Variants in ANKLE2 observed in about 807,000 individuals in gnomAD.
ANKLE2 encodes ankyrin repeat and LEM domain-containing protein 2.
In ANKLE2, 55 loss-of-function variants were observed where a neutral mutation model predicts 84.2. The observed-to-expected ratio is 0.65, with a 90% CI of 0.53 to 0.82. The LOEUF (loss-of-function observed/expected upper bound fraction) is 0.82, where lower values mean the gene tolerates loss of function less well. ANKLE2 is among the 40% of genes least tolerant of loss of function. The probability of loss-of-function intolerance (pLI) is 0.00; values close to 1 mark genes in which losing one functional copy is unlikely to be tolerated. For missense variants in ANKLE2, 1,238 were observed against 1,201.9 expected (o/e 1.03, Z -0.44); for synonymous variants, 551 against 486.1 (o/e 1.13, Z -1.76).
intron 1 of ANKLE2, chr12:132,758,015 T>G (rs1200082241): frequency 6.6e-6 from 1 of 150,586 alleles, no homozygotes; most frequent in Non-Finnish European, 1.5e-5. Flanking sequence ...CAGCCACAGA[T>G]ATACATAAAC....
At position 132,759,158 on chromosome 12, in the gene ANKLE2, TCGC is replaced by T. The variant is rs1300800407; in HGVS notation, c.181+2457_181+2459del. On this transcript the variant is annotated intron_variant, in intron 1 of 12. Transcript: ENST00000357997. ...CGGGGCACCCACGTGGCAGAGAGGA[TCGC>T]TGCGGAGTGGCACCCCGGGGCACCC... is the stretch of plus-strand genomic sequence containing the variant. 7.7e-4 allele frequency: 28 copies of T among 36,574 alleles called. 4 individuals are homozygous for T. Among genetic ancestry groups the T allele is most frequent in the African/African-American group, 2.7e-3 (25 of 9,162 alleles). The allele number at this position is 36,574 out of a possible 1,614,324, so 2.3% of individuals were successfully genotyped here.
Position 132,734,396 on chromosome 12 carries a change from G to A in ANKLE2, c.1880C>T (p.Ala627Val), listed in dbSNP as rs2043962582. The A allele has an allele frequency of 1.9e-6, 3 of 1,613,928 alleles. No homozygotes were observed. Among genetic ancestry groups the A allele is most frequent in the Non-Finnish European group, 1.7e-6 (2 of 1,179,984 alleles). ...CTGCACATGCTTACCAGACGTGGTG[G>A]CTTTATCTCGGCAGGAGGCTTCCCG... ...GEREASCRDK[A>V]TTSGSNSISV... The change falls in exon 10 of 13, where the codon GCC (alanine) becomes GTC (valine). Residue 627 changes from alanine to valine, a missense_variant. Ala to Val is a moderately conservative substitution (Grantham distance 64). Around this residue, in one of 3 missense-constraint regions of ANKLE2, gnomAD observed 802 missense variants for 774.5 expected, o/e 1.04. Transcript: ENST00000357997.
rs142050205 is a variant in ANKLE2, at chr12:132,751,014, G to C, written c.641-165C>G. On this transcript the variant is annotated intron_variant, in intron 2 of 12. Transcript: ENST00000357997. Reference sequence around the variant, plus strand: ...AAAAGGGCCTAAGCTAGCCAAAATAGAACAATTAACAAGCTCGACAGTGTG... The same window carrying C: ...AAAAGGGCCTAAGCTAGCCAAAATACAACAATTAACAAGCTCGACAGTGTG... 1,751 of 617,256 alleles carry C rather than the reference G, an allele frequency of 2.8e-3. 6 individuals carry two copies. The highest frequency in any genetic ancestry group is 3.3e-3 in the Non-Finnish European group (1,161 of 352,820). The allele number at this position is 617,256 out of a possible 1,614,324, so 38.2% of individuals were successfully genotyped here.
intron 5 of ANKLE2, chr12:132,745,006 C>G (rs1241500032): frequency 6.6e-6 from 1 of 152,318 alleles, no homozygotes; most frequent in African/African-American, 2.4e-5. Flanking sequence ...AACTACAATA[C>G]TGGCTACCAT....
chr12:132,759,648 A>C (rs10870507), intron 1 of ANKLE2: 111,240 of 134,000 alleles, frequency 0.83, 47,786 homozygotes, highest in Non-Finnish European at 0.95. Context: ...CATTCTCAAA[A>C]CACCACCCTC....
intron 7 of ANKLE2, 96 bp downstream of exon 7, chr12:132,741,323 G>T (rs1400158208): frequency 8.0e-7 from 1 of 1,243,792 alleles, no homozygotes; most frequent in Non-Finnish European, 1.2e-6. Flanking sequence ...ACACGCCCGG[G>T]GAGCTCAGGA....
chr12:132,728,363 G>A (rs2043754426), intron 11 of ANKLE2, among the ~76,000 whole-genome samples, 200 bp from the exon 12 acceptor site: 1 of 152,050 alleles, frequency 6.6e-6, no homozygotes, highest in Admixed American at 6.5e-5. Context: ...CGAGTAGCTG[G>A]GACTACAGGT....
rs376176705 is a variant in ANKLE2, at chr12:132,737,101, G to A, written c.1421-36C>T. 8.8e-5 allele frequency: 137 copies of A among 1,553,124 alleles called. No homozygotes were observed. The African/African-American group carries it at 1.6e-3, about 18-fold the overall frequency. On this transcript the variant is annotated intron_variant, in intron 7 of 12. Coordinates refer to ENST00000357997, the MANE Select transcript of ANKLE2 (RefSeq NM_015114.3). ...AGACAGGCACTGGCTGCAGGCTTCC[G>A]CCCCCTCCGCAGGTCAGGCCTGGGT...
At chr12:132,734,746 C>T (rs2043972691) in intron 9 of ANKLE2, 171 bp from the exon 10 acceptor site, 2 of 646,334 alleles carry the variant, frequency 3.1e-6, no homozygotes, top group South Asian at 2.1e-5. Context: ...TTTTCTGAAA[C>T]AGCACGCCTC....
At position 132,737,067 on chromosome 12, in the gene ANKLE2, T is replaced by C; in HGVS notation, c.1421-2A>G. 1 of 1,588,240 alleles carries C rather than the reference T, an allele frequency of 6.3e-7. No homozygotes were observed. The highest frequency in any genetic ancestry group is 1.8e-4 in the Middle Eastern group (1 of 5,562). Reference sequence around the variant, plus strand: ...TCAGGAGGGGCACGTAGTAGTGGCCTGAGGGAGGAGACAGGCACTGGCTGC... The same window carrying C: ...TCAGGAGGGGCACGTAGTAGTGGCCCGAGGGAGGAGACAGGCACTGGCTGC... On this transcript the variant is annotated splice_acceptor_variant, in intron 7 of 12. Coordinates refer to ENST00000357997, the MANE Select transcript of ANKLE2 (RefSeq NM_015114.3). LOFTEE classifies it high-confidence loss of function.
chr12:132,750,489 G>T (rs899562822), intron 3 of ANKLE2, among the ~76,000 whole-genome samples, 154 bp downstream of exon 3: 1 of 152,150 alleles, frequency 6.6e-6, no homozygotes, highest in Non-Finnish European at 1.5e-5. Context: ...AATTACACGA[G>T]CATCAGAGCC....
chr12:132,735,801 A>G (rs1445121927), intron 8 of ANKLE2, among the ~76,000 whole-genome samples: 2 of 152,222 alleles, frequency 1.3e-5, no homozygotes, highest in Non-Finnish European at 1.5e-5. Context: ...CCCTGAGGAC[A>G]GTGGACGGCT....
intron 7 of ANKLE2, 182 bp from the exon 8 acceptor site, chr12:132,737,247 CA>C (rs2044031200): frequency 1.8e-6 from 1 of 543,136 alleles, no homozygotes; most frequent in Non-Finnish European, 3.1e-6. Flanking sequence ...ACAATGGAAA[CA>C]AAGTCACACA....
At chr12:132,737,207 C>T (rs2044030637) in intron 7 of ANKLE2, 142 bp from the exon 8 acceptor site, 2 of 766,450 alleles carry the variant, frequency 2.6e-6, no homozygotes, top group African/African-American at 3.5e-5. Context: ...TGGTTTCCGC[C>T]AGAGCTCACT....
Position 132,729,939 on chromosome 12 carries a change from C to A in ANKLE2, c.2223G>T (p.Leu741Phe), listed in dbSNP as rs766158600. The change falls in exon 11 of 13, where the codon TTG becomes TTT. Residue 741 changes from leucine (L) to phenylalanine (F), a missense_variant. Transcript: ENST00000357997. ...TGGAAACGCTACGTCCTATATTTTG[C>A]AAATTCAGTTTATCAAACTCAACAG... ...DLTVEFDKLN[L>F]QNIGRSVSKT... 1 of 1,613,562 alleles carries A rather than the reference C, an allele frequency of 6.2e-7. No individual in the cohort carries two copies. The highest frequency in any genetic ancestry group is 1.1e-5 in the South Asian group (1 of 91,080).
At position 132,748,141 on chromosome 12, in the gene ANKLE2, C is replaced by A; in HGVS notation, c.1038G>T (p.Val346=). The A allele has an allele frequency of 6.2e-7, 1 of 1,613,310 alleles. No individual in the cohort carries two copies. The change falls in exon 4 of 13, where the codon GTG becomes GTT. Residue 346 remains valine (V), a synonymous_variant. Coordinates refer to ENST00000357997, the MANE Select transcript of ANKLE2 (RefSeq NM_015114.3). Reference sequence around the variant, plus strand: ...CGAGGGAACCGCCGAGACCTACCTGCACGATAGTGGGGTTGTCTCCTGAGC... The same window carrying A: ...CGAGGGAACCGCCGAGACCTACCTGAACGATAGTGGGGTTGTCTCCTGAGC... The part of the protein sequence containing the change: ...LIGSGDNPTI[V]QEGCRYNVMH...
intron 10 of ANKLE2, among the ~76,000 whole-genome samples, chr12:132,733,657 T>C (rs1188728279): frequency 3.1e-4 from 34 of 111,222 alleles, no homozygotes; most frequent in Non-Finnish European, 5.3e-4. Flanking sequence ...TGAAATACAC[T>C]GTGTGAAGCG....
intron 1 of ANKLE2, chr12:132,757,288 A>G (rs1055709288): frequency 6.6e-6 from 1 of 152,332 alleles, no homozygotes; most frequent in Non-Finnish European, 1.5e-5. Context: ...AATGACAGAA[A>G]GGAAAGTGGG....
intron 6 of ANKLE2, chr12:132,742,104 C>CT (rs1293088045): frequency 7.6e-6 from 2 of 264,420 alleles, no homozygotes; most frequent in Non-Finnish European, 1.5e-5. Context: ...TGATTGTGAG[C>CT]TTTAAAAAGT....
Sources: allele counts gnomAD v4.1 joint callset (sites outside exome capture counted in the v4.1 genomes callset), GRCh38; gene constraint gnomAD v4.1.1; regional missense constraint gnomAD v4.1.1; transcripts MANE v1.5; gene names NCBI Gene and HGNC (gene_info 2026-07-23, HGNC 2026-07-21).